The following CDH13 variants were observed in gnomAD, a reference collection of about 807,000 sequenced individuals.
CDH13 encodes cadherin-13.
Under a neutral mutation model 63.8 loss-of-function variants are expected in CDH13, and 24 were observed. The observed-to-expected ratio is 0.38, with a 90% CI of 0.27 to 0.53. CDH13 has a LOEUF of 0.53. CDH13 is among the 20% of genes least tolerant of loss of function. CDH13 has a pLI of 0.85. For synonymous variants in CDH13, 503 were observed against 355.3 expected (o/e 1.42, Z -4.67); for missense variants, 1,049 against 903.1 (o/e 1.16, Z -2.07).
At chr16:83,660,697 G>C (rs1380802175) in intron 8 of CDH13, among the ~76,000 whole-genome samples, 3 of 152,194 alleles carry the variant, frequency 2.0e-5, no homozygotes, top group Non-Finnish European at 4.4e-5. Context: ...TTAGAAAGCA[G>C]ACTATGTTAT....
intron 3 of CDH13, among the ~76,000 whole-genome samples, chr16:83,076,279 A>G (rs1017037404): frequency 1.3e-5 from 2 of 152,162 alleles, no homozygotes; most frequent in African/African-American, 4.8e-5. Context: ...TTCCATGTAA[A>G]ACTAGGAAAT....
At chr16:82,678,510 C>T (rs1914191696) in intron 1 of CDH13, among the ~76,000 whole-genome samples, 1 of 152,042 alleles carries the variant, frequency 6.6e-6, no homozygotes, top group South Asian at 2.1e-4. Flanking sequence ...CCTAGCTGGT[C>T]CTAAGTACTC....
intron 1 of CDH13, among the ~76,000 whole-genome samples, chr16:82,839,556 C>T (rs2038919332): frequency 6.6e-6 from 1 of 152,204 alleles, no homozygotes; most frequent in Non-Finnish European, 1.5e-5. Context: ...TGTCTCCTCC[C>T]TTGGCCCTGC....
At chr16:82,833,194 G>A (rs1440490507) in intron 1 of CDH13, among the ~76,000 whole-genome samples, 1 of 152,170 alleles carries the variant, frequency 6.6e-6, no homozygotes, top group Non-Finnish European at 1.5e-5. Context: ...CGGATATTCA[G>A]GGTTTTCTGA....
intron 5 of CDH13, among the ~76,000 whole-genome samples, chr16:83,282,252 C>T (rs547895424): frequency 1.3e-5 from 2 of 152,158 alleles, no homozygotes; most frequent in African/African-American, 2.4e-5. Context: ...TCATAAGAGA[C>T]ATAATAATAA....
At chr16:83,248,338 C>T (rs1905168130) in intron 5 of CDH13, among the ~76,000 whole-genome samples, 3 of 152,114 alleles carry the variant, frequency 2.0e-5, no homozygotes, top group Admixed American at 2.0e-4. Context: ...CCTTCAGGAG[C>T]GGGTCTATCT....
chr16:83,669,352 T>C (rs1212371059), intron 8 of CDH13, among the ~76,000 whole-genome samples: 1 of 152,224 alleles, frequency 6.6e-6, no homozygotes, highest in African/African-American at 2.4e-5. Context: ...GAGATTCTAA[T>C]GTGCAGACAG....
At chr16:82,935,768 A>G (rs1336892504) in intron 2 of CDH13, among the ~76,000 whole-genome samples, 1 of 151,994 alleles carries the variant, frequency 6.6e-6, no homozygotes, top group African/African-American at 2.4e-5. Context: ...TGGGGTATAT[A>G]CCCTGGGGTT....
intron 1 of CDH13, among the ~76,000 whole-genome samples, chr16:82,711,221 C>G (rs989707606): frequency 1.2e-4 from 18 of 152,082 alleles, no homozygotes; most frequent in Non-Finnish European, 2.2e-4. Context: ...TCAAGGAGAT[C>G]TAACAGTGTT....
chr16:83,249,860 G>C, intron 5 of CDH13, among the ~76,000 whole-genome samples: 1 of 152,184 alleles, frequency 6.6e-6, no homozygotes, highest in East Asian at 1.9e-4. Context: ...GACAGGCCCA[G>C]TTTTCTGTTT....
chr16:82,662,457 A>G (rs892045963), intron 1 of CDH13, among the ~76,000 whole-genome samples: 1 of 152,250 alleles, frequency 6.6e-6, no homozygotes, highest in African/African-American at 2.4e-5. Flanking sequence ...ATTGAGAAAC[A>G]TGAACAGAGG....
chr16:83,220,249 C>T (rs1208661959), intron 5 of CDH13, among the ~76,000 whole-genome samples: 2 of 152,156 alleles, frequency 1.3e-5, no homozygotes, highest in Non-Finnish European at 2.9e-5. Flanking sequence ...GGAAGAGCCC[C>T]GATCATTCTG....
chr16:83,606,727 A>AAAAAAG (rs984281042), intron 8 of CDH13, among the ~76,000 whole-genome samples: 3 of 18,070 alleles, frequency 1.7e-4, no homozygotes, highest in African/African-American at 1.4e-3. Context: ...ACCCAGTTTC[A>AAAAAAG]AAAAAAAAAA....
At chr16:83,011,234 C>T (rs545109646) in intron 2 of CDH13, among the ~76,000 whole-genome samples, 3 of 152,252 alleles carry the variant, frequency 2.0e-5, no homozygotes, top group African/African-American at 7.2e-5. Context: ...GGCTCAGTTT[C>T]TCCCTCTATT....
At chr16:83,428,042 G>A (rs950633708) in intron 6 of CDH13, among the ~76,000 whole-genome samples, 1 of 152,136 alleles carries the variant, frequency 6.6e-6, no homozygotes, top group Non-Finnish European at 1.5e-5. Context: ...ATCGGTCTCT[G>A]GTATATTTCC....
At chr16:83,219,213 C>G (rs2039625632) in intron 5 of CDH13, among the ~76,000 whole-genome samples, 1 of 152,158 alleles carries the variant, frequency 6.6e-6, no homozygotes, top group Admixed American at 6.5e-5. Context: ...GCTAACGCTT[C>G]TGAGGATTAT....
intron 6 of CDH13, among the ~76,000 whole-genome samples, chr16:83,375,527 C>T (rs772119437): frequency 6.6e-6 from 1 of 152,142 alleles, no homozygotes; most frequent in Non-Finnish European, 1.5e-5. Flanking sequence ...AAGACAAAAT[C>T]AGATCTTTAA....
At position 83,766,563 on chromosome 16, in the gene CDH13, G is replaced by A. The variant is rs115203328; in HGVS notation, c.1682-13405G>A. ...AACCACTTGTACTCATAACTTCCAAGGTAAGACATATGCTGCATGCCTCTG... is the reference window on the plus strand; with the variant it reads ...AACCACTTGTACTCATAACTTCCAAAGTAAGACATATGCTGCATGCCTCTG... On this transcript the variant is annotated intron_variant, in intron 11 of 13. Coordinates refer to ENST00000567109, the MANE Select transcript of CDH13 (RefSeq NM_001257.5). Among the ~76,000 whole-genome samples the A allele has an allele frequency of 2.8e-3, 422 of 152,286 alleles. 1 individual carries two copies. Among genetic ancestry groups the A allele is most frequent in the African/African-American group, 9.8e-3 (407 of 41,568 alleles).
intron 1 of CDH13, among the ~76,000 whole-genome samples, chr16:82,789,528 A>G (rs1435849383): frequency 6.6e-6 from 1 of 152,220 alleles, no homozygotes; most frequent in Non-Finnish European, 1.5e-5. Flanking sequence ...TTCCAGTTTT[A>G]TAATGAGGGA....
Sources: gnomAD v4.1 joint callset for allele counts (sites outside exome capture counted in the v4.1 genomes callset) on GRCh38, gnomAD v4.1.1 for gene constraint, MANE v1.5 for transcripts, NCBI Gene and HGNC (gene_info 2026-07-23, HGNC 2026-07-21) for gene names.